The following YES1 variants were observed in gnomAD, a reference collection of about 807,000 sequenced individuals.
YES1 encodes tyrosine-protein kinase Yes.
A neutral mutation model predicts 70.4 loss-of-function variants in YES1; 39 were observed. The ratio of observed to expected loss-of-function variants is 0.55; its 90% CI spans 0.43 to 0.72. The LOEUF (loss-of-function observed/expected upper bound fraction) is 0.72, where lower values mean the gene tolerates loss of function less well. Among genes scored for constraint, YES1 ranks in the 30% least tolerant of loss-of-function variants. The probability of loss-of-function intolerance (pLI) is 0.00; values close to 1 mark genes in which losing one functional copy is unlikely to be tolerated. For synonymous variants in YES1, 198 were observed against 218.6 expected (o/e 0.91, Z 0.83); for missense variants, 495 against 644.8 (o/e 0.77, Z 2.52).
intron 4 of YES1, among the ~76,000 whole-genome samples, chr18:747,241 G>A (rs974285827): frequency 2.6e-5 from 4 of 152,162 alleles, no homozygotes; most frequent in East Asian, 1.9e-4. Flanking sequence ...AGGCTGAGGC[G>A]GGTGGATCAC....
At chr18:746,191 A>G (rs1363297868) in intron 4 of YES1, 140 bp from the exon 5 acceptor site, 1 of 633,802 alleles carries the variant, frequency 1.6e-6, no homozygotes, top group Non-Finnish European at 2.8e-6. Flanking sequence ...AGGAAAATGT[A>G]AGAGTTTTAT....
At chr18:787,351 G>A (rs922602365) in intron 1 of YES1, among the ~76,000 whole-genome samples, 8 of 151,116 alleles carry the variant, frequency 5.3e-5, no homozygotes, top group South Asian at 2.1e-4. Flanking sequence ...CGCCCGCCTC[G>A]GCCTCCCAAA....
Position 743,333 on chromosome 18 carries a change from A to G in YES1, c.807T>C (p.Ala269=). ...KPQTQGLAKD[A]WEIPRESLRL... is the part of the protein sequence containing the mutation. ...GCAAAGATTCTCGAGGGATTTCCCAAGCATCTTTTGCTAGACCTTGAGTCT... is the reference window on the plus strand; with the variant it reads ...GCAAAGATTCTCGAGGGATTTCCCAGGCATCTTTTGCTAGACCTTGAGTCT... The change falls in exon 7 of 12, where the codon GCT becomes GCC. Residue 269 remains alanine, a synonymous_variant. Coordinates refer to ENST00000314574, the MANE Select transcript of YES1 (RefSeq NM_005433.4). 6.2e-7 allele frequency: 1 copy of G among 1,612,684 alleles called. No homozygotes were observed. Among genetic ancestry groups the G allele is most frequent in the Non-Finnish European group, 8.5e-7 (1 of 1,180,022 alleles).
intron 1 of YES1, among the ~76,000 whole-genome samples, chr18:765,520 T>A (rs1333760359): frequency 6.7e-6 from 1 of 149,024 alleles, no homozygotes; most frequent in South Asian, 2.2e-4. Flanking sequence ...TGCCTCACCC[T>A]CCCCAGTAGC....
chr18:743,320 G>A lies in YES1; in HGVS notation c.820C>T (p.Arg274Ter), dbSNP rs758304599. Residue 274 changes from arginine (R) to a stop codon, truncating the protein, a stop_gained, in exon 7 of 12, where the codon CGA (arginine) becomes TGA (stop). Coordinates refer to ENST00000314574, the MANE Select transcript of YES1 (RefSeq NM_005433.4). LOFTEE classifies it high-confidence loss of function. ...GLAKDAWEIP[R>*]ESLRLEVKLG... ...TTAACCTCTAGTCGCAAAGATTCTC[G>A]AGGGATTTCCCAAGCATCTTTTGCT... 5.0e-6 allele frequency: 8 copies of A among 1,612,252 alleles called. No homozygotes were observed. The highest frequency in any genetic ancestry group is 4.2e-6 in the Non-Finnish European group (5 of 1,180,006).
intron 2 of YES1, among the ~76,000 whole-genome samples, chr18:754,120 T>C: frequency 6.6e-6 from 1 of 152,192 alleles, no homozygotes; most frequent in East Asian, 1.9e-4. Flanking sequence ...GAGTCAGTTT[T>C]TCTCAAAAGA....
intron 4 of YES1, among the ~76,000 whole-genome samples, chr18:746,622 A>G (rs1239774591): frequency 6.6e-6 from 1 of 152,236 alleles, no homozygotes; most frequent in Non-Finnish European, 1.5e-5. Context: ...ATTGAGACAC[A>G]TTACAAATCA....
At chr18:771,560 C>CTT (rs1166374541) in intron 1 of YES1, among the ~76,000 whole-genome samples, 3 of 152,110 alleles carry the variant, frequency 2.0e-5, no homozygotes, top group African/African-American at 4.8e-5. Flanking sequence ...AGAAAGAAAA[C>CTT]TTTTTTGTGA....
chr18:775,711 C>T (rs935233368), intron 1 of YES1, among the ~76,000 whole-genome samples: 1 of 151,952 alleles, frequency 6.6e-6, no homozygotes, highest in South Asian at 2.1e-4. Context: ...GTTGGAGGAT[C>T]GCTTGAGCCT....
At position 724,403 on chromosome 18, in the gene YES1, A is replaced by T. The variant is rs1598880394; in HGVS notation, c.*21T>A. ...TCTTTATATTTTGGCAGATTTGTGC[A>T]TATAAAATAGGCTACTTGAATTATA... is the stretch of plus-strand genomic sequence containing the variant. On this transcript the variant is annotated 3_prime_UTR_variant, in exon 12 of 12. Transcript: ENST00000314574. 1.9e-6 allele frequency: 3 copies of T among 1,605,600 alleles called. No individual in the cohort carries two copies. Among genetic ancestry groups the T allele is most frequent in the Non-Finnish European group, 2.6e-6 (3 of 1,173,842 alleles).
chr18:797,734 G>A (rs537672504), intron 1 of YES1, among the ~76,000 whole-genome samples: 1 of 152,272 alleles, frequency 6.6e-6, no homozygotes, highest in East Asian at 1.9e-4. Flanking sequence ...GCAACTTTCA[G>A]TGTCTGCATT....
intron 1 of YES1, among the ~76,000 whole-genome samples, chr18:764,074 C>T (rs1904739651): frequency 6.7e-6 from 1 of 148,504 alleles, no homozygotes; most frequent in African/African-American, 2.5e-5. Flanking sequence ...GAGCCGAGAT[C>T]ACACCACTGC....
intron 10 of YES1, among the ~76,000 whole-genome samples, chr18:734,293 G>A (rs1315055137): frequency 2.7e-5 from 4 of 150,706 alleles, no homozygotes; most frequent in East Asian, 2.0e-4. Flanking sequence ...GGTGGCTCAC[G>A]CCTGTATTCC....
intron 1 of YES1, among the ~76,000 whole-genome samples, chr18:757,290 T>C (rs1029221999): frequency 1.0e-4 from 15 of 149,654 alleles, no homozygotes; most frequent in African/African-American, 2.0e-4. Context: ...GATCACGAGG[T>C]CAGGAGATTG....
intron 1 of YES1, among the ~76,000 whole-genome samples, chr18:764,023 G>C: frequency 6.6e-6 from 1 of 151,600 alleles, no homozygotes. Flanking sequence ...GGGAGGCTGA[G>C]GCAGGAGAAT....
intron 1 of YES1, among the ~76,000 whole-genome samples, chr18:797,497 CCTTA>C (rs1157289375): frequency 9.9e-5 from 15 of 151,970 alleles, no homozygotes; most frequent in African/African-American, 3.6e-4. Flanking sequence ...AATCACTGAA[CCTTA>C]CTGTTAGAAG....
In YES1 at chr18:723,504, C is replaced by G. The variant is rs2079983659; in HGVS notation, c.*920G>C. The G allele has an allele frequency of 1.3e-5, 2 of 152,628 alleles. No homozygotes were observed. The highest frequency in any genetic ancestry group is 4.8e-5 in the African/African-American group (2 of 41,454). The allele number at this position is 152,628 out of a possible 1,614,324, so 9.5% of individuals were successfully genotyped here. On this transcript the variant is annotated 3_prime_UTR_variant, in exon 12 of 12. Transcript: ENST00000314574. The stretch of plus-strand genomic sequence containing the variant: ...ATCTGGTCATATTTTCTATTTGTGG[C>G]ACCCATCCCCATAAGGACATATAAG...
chr18:781,034 G>A (rs746427225), intron 1 of YES1, among the ~76,000 whole-genome samples: 1 of 152,116 alleles, frequency 6.6e-6, no homozygotes, highest in African/African-American at 2.4e-5. Flanking sequence ...TTTGGGGCCC[G>A]AGGTGGGTGG....
Position 745,789 on chromosome 18 carries a change from T to C in YES1, c.643A>G (p.Arg215Gly), listed in dbSNP as rs375437397. 13 of 1,613,246 alleles carry C rather than the reference T, an allele frequency of 8.1e-6. No homozygotes were observed. The highest frequency in any genetic ancestry group is 1.1e-5 in the Non-Finnish European group (13 of 1,179,838). ...TAGTATCCACCATTGTCAAGTTTCC[T>C]AATTTTGTAGTGTTTCACATTGTCA... ...RGDNVKHYKI[R>G]KLDNGGYYIT... The change falls in exon 6 of 12, where the codon AGG (arginine) becomes GGG (glycine). Residue 215 changes from arginine (R) to glycine (G), a missense_variant. By Grantham distance (125) the Arg-to-Gly change is moderately radical. This residue lies in a region of YES1 where 385 missense variants were observed against 540.9 expected (regional missense o/e 0.71). Coordinates refer to ENST00000314574, the MANE Select transcript of YES1 (RefSeq NM_005433.4).
Sources: gnomAD v4.1 joint callset for allele counts (sites outside exome capture counted in the v4.1 genomes callset) on GRCh38, gnomAD v4.1.1 for gene constraint, gnomAD v4.1.1 regional missense constraint, MANE v1.5 for transcripts, NCBI Gene and HGNC (gene_info 2026-07-23, HGNC 2026-07-21) for gene names.